Variants in C12orf60 observed in about 807,000 individuals in gnomAD.
C12orf60 encodes the protein uncharacterized protein C12orf60.
For missense variants in C12orf60, 284 were observed against 283.2 expected (o/e 1.00, Z -0.02); for synonymous variants, 102 against 94.6 (o/e 1.08, Z -0.45).
chr12:14,814,070 A>T (rs1301264679), intron 1 of C12orf60: 1 of 152,174 alleles, frequency 6.6e-6, no homozygotes, highest in Non-Finnish European at 1.5e-5. Flanking sequence ...AATTCCTCCT[A>T]CTACTGAGAA....
At chr12:14,806,355 TTGTC>T in intron 1 of C12orf60, 1 of 1,614,242 alleles carries the variant, frequency 6.2e-7, no homozygotes, top group Non-Finnish European at 8.5e-7. Flanking sequence ...TATTGCAATT[TTGTC>T]TGTTTCCTTT....
At chr12:14,805,411 T>G (rs920215662) in intron 1 of C12orf60, 3 of 152,276 alleles carry the variant, frequency 2.0e-5, no homozygotes, top group Non-Finnish European at 4.4e-5. Flanking sequence ...CGGTTTACAT[T>G]GTGTAATCAG....
chr12:14,809,825 C>G (rs1198065456), intron 1 of C12orf60, among the ~76,000 whole-genome samples: 1 of 152,066 alleles, frequency 6.6e-6, no homozygotes, highest in Non-Finnish European at 1.5e-5. Context: ...TTTCAAAAAG[C>G]AGTGACAATC....
At chr12:14,813,834 T>C (rs764182956) in intron 1 of C12orf60, among the ~76,000 whole-genome samples, 2 of 152,192 alleles carry the variant, frequency 1.3e-5, no homozygotes, top group Non-Finnish European at 2.9e-5. Context: ...TATCATTTCA[T>C]CCTTAATCCT....
In C12orf60 at chr12:14,822,916, G is replaced by C. The variant is rs779347995; in HGVS notation, c.-20G>C. 3.2e-6 allele frequency: 5 copies of C among 1,544,962 alleles called. No individual in the cohort carries two copies. The highest frequency in any genetic ancestry group is 4.4e-6 in the Non-Finnish European group (5 of 1,147,076). Reference sequence around the variant, plus strand: ...GATTACTGCTTTGCTTTGCAGTGTTGGAACTTATTTGTTGGAGAAATGTCT... The same window carrying C: ...GATTACTGCTTTGCTTTGCAGTGTTCGAACTTATTTGTTGGAGAAATGTCT... On this transcript the variant is annotated 5_prime_UTR_variant, in exon 2 of 2. Transcript: ENST00000330828.
At chr12:14,812,337 G>A (rs1333004871) in intron 1 of C12orf60, among the ~76,000 whole-genome samples, 9 of 152,180 alleles carry the variant, frequency 5.9e-5, no homozygotes, top group Admixed American at 5.2e-4. Flanking sequence ...CCAGCTACTT[G>A]GGAGGCTGAG....
intron 1 of C12orf60, chr12:14,806,575 T>G: frequency 6.2e-7 from 1 of 1,614,138 alleles, no homozygotes; most frequent in Non-Finnish European, 8.5e-7. Flanking sequence ...AGCTTATTGG[T>G]GACATCGAAG....
chr12:14,806,711 G>A, intron 1 of C12orf60: 4 of 1,543,066 alleles, frequency 2.6e-6, no homozygotes, highest in Non-Finnish European at 3.5e-6. Context: ...AAAATAAAAT[G>A]GTAAATTTTT....
chr12:14,811,832 A>G (rs1246255427), intron 1 of C12orf60, among the ~76,000 whole-genome samples: 1 of 152,240 alleles, frequency 6.6e-6, no homozygotes, highest in Non-Finnish European at 1.5e-5. Context: ...TTGAACTTAG[A>G]AATTAATATC....
chr12:14,804,999 C>A (rs940287078), intron 1 of C12orf60: 3 of 152,132 alleles, frequency 2.0e-5, no homozygotes, highest in East Asian at 3.8e-4. Flanking sequence ...AAAACAAACA[C>A]ATCTGCAGAG....
intron 1 of C12orf60, among the ~76,000 whole-genome samples, chr12:14,808,787 C>CAT (rs1210600245): frequency 6.6e-6 from 1 of 152,168 alleles, no homozygotes; most frequent in Non-Finnish European, 1.5e-5. Context: ...CACACATACA[C>CAT]ATATATACAG....
chr12:14,810,264 T>A (rs931729542), intron 1 of C12orf60, among the ~76,000 whole-genome samples: 41 of 152,148 alleles, frequency 2.7e-4, no homozygotes, highest in Non-Finnish European at 8.8e-5. Flanking sequence ...TGAATACAGC[T>A]CAAGGTTATT....
chr12:14,821,827 A>G (rs1345562620), intron 1 of C12orf60, among the ~76,000 whole-genome samples: 1 of 151,890 alleles, frequency 6.6e-6, no homozygotes, highest in East Asian at 1.9e-4. Flanking sequence ...CAAAGCAGTG[A>G]GAGAAAGAAG....
Position 14,823,764 on chromosome 12 carries a change from A to G in C12orf60, c.*91A>G. The G allele has an allele frequency of 8.1e-7, 1 of 1,241,042 alleles. No individual in the cohort carries two copies. Among genetic ancestry groups the G allele is most frequent in the African/African-American group, 1.5e-5 (1 of 66,138 alleles). The allele number at this position is 1,241,042 out of a possible 1,614,324, so 76.9% of individuals were successfully genotyped here. The stretch of plus-strand genomic sequence containing the variant: ...TTTCTAAGATCTTTTGGTGCCAAAC[A>G]TGTGCTATGTTAGAACATAAGTACA... On this transcript the variant is annotated 3_prime_UTR_variant, in exon 2 of 2. Transcript: ENST00000330828.
At position 14,823,250 on chromosome 12, in the gene C12orf60, G is replaced by A; in HGVS notation, c.315G>A (p.Glu105=). The A allele has an allele frequency of 6.2e-7, 1 of 1,614,102 alleles. No homozygotes were observed. Among genetic ancestry groups the A allele is most frequent in the Non-Finnish European group, 8.5e-7 (1 of 1,179,998 alleles). The change falls in exon 2 of 2, where the codon GAG becomes GAA. Residue 105 remains glutamate, a synonymous_variant. Coordinates refer to ENST00000330828, the MANE Select transcript of C12orf60 (RefSeq NM_175874.4). The part of the protein sequence containing the change: ...CSVVQKSTNV[E]ELHQSAKEVF... ...TGGTTCAGAAGAGTACCAATGTAGA[G>A]GAGTTGCATCAGTCAGCTAAAGAAG... is the stretch of plus-strand genomic sequence containing the variant.
At chr12:14,817,390 T>C (rs1950238538) in intron 1 of C12orf60, among the ~76,000 whole-genome samples, 3 of 152,216 alleles carry the variant, frequency 2.0e-5, no homozygotes, top group Non-Finnish European at 4.4e-5. Flanking sequence ...GGAGGATACA[T>C]GTGCAGAATG....
Position 14,820,100 on chromosome 12 carries a change from A to G in C12orf60, c.-24-2812A>G, listed in dbSNP as rs1447148337. On this transcript the variant is annotated intron_variant, in intron 1 of 1. Coordinates refer to ENST00000330828, the MANE Select transcript of C12orf60 (RefSeq NM_175874.4). ...CTACTTGGAAGAGTTTCCATAGCTT[A>G]TGTCTTTTAAGGGAATAGGCCTATT... Among the ~76,000 whole-genome samples the G allele has an allele frequency of 3.3e-5, 5 of 152,136 alleles. No individual in the cohort carries two copies. In the East Asian group the frequency reaches 9.6e-4, roughly 29 times the overall value.
chr12:14,807,451 T>G (rs575114839), intron 1 of C12orf60, among the ~76,000 whole-genome samples: 2 of 152,224 alleles, frequency 1.3e-5, no homozygotes, highest in Non-Finnish European at 2.9e-5. Context: ...GGAGTTAAAC[T>G]CTAGTCAGGG....
chr12:14,820,685 T>C (rs926471364), intron 1 of C12orf60, among the ~76,000 whole-genome samples: 2 of 152,112 alleles, frequency 1.3e-5, no homozygotes, highest in African/African-American at 4.8e-5. Context: ...TAAGAGAAGA[T>C]TTATTGTCTT....
Sources: gnomAD v4.1 joint callset for allele counts (sites outside exome capture counted in the v4.1 genomes callset) on GRCh38, gnomAD v4.1.1 for gene constraint, MANE v1.5 for transcripts, NCBI Gene and HGNC (gene_info 2026-07-23, HGNC 2026-07-21) for gene names.